The following PEX14 variants were observed in gnomAD, a reference collection of about 807,000 sequenced individuals.
The protein encoded by PEX14 is peroxisomal membrane protein PEX14.
PEX14 carries 15 observed loss-of-function variants against 49.5 expected under a neutral mutation model. The observed-to-expected ratio is 0.30, with a 90% CI of 0.20 to 0.47. The LOEUF is 0.47. Among genes scored for constraint, PEX14 ranks in the 20% least tolerant of loss-of-function variants. The probability of loss-of-function intolerance (pLI) is 1.00; values close to 1 mark genes in which losing one functional copy is unlikely to be tolerated. For missense variants in PEX14, 398 were observed against 494.8 expected (o/e 0.80, Z 1.86); for synonymous variants, 210 against 212.7 (o/e 0.99, Z 0.11).
At chr1:10,486,102 A>G (rs932260267) in intron 1 of PEX14, among the ~76,000 whole-genome samples, 3 of 151,996 alleles carry the variant, frequency 2.0e-5, no homozygotes, top group African/African-American at 7.2e-5. Flanking sequence ...TCTATAGATG[A>G]TGGTATCATC....
At chr1:10,627,437 G>A in intron 8 of PEX14, 74 bp downstream of exon 8, 1 of 1,068,524 alleles carries the variant, frequency 9.4e-7, no homozygotes, top group African/African-American at 1.5e-5. Context: ...GGCATGGGAG[G>A]GGCATGACGC....
intron 1 of PEX14, among the ~76,000 whole-genome samples, chr1:10,485,526 G>T (rs781345297): frequency 6.6e-6 from 1 of 150,882 alleles, no homozygotes; most frequent in Non-Finnish European, 1.5e-5. Flanking sequence ...GCTGTGTTGC[G>T]CAGGCTGGTC....
intron 3 of PEX14, among the ~76,000 whole-genome samples, chr1:10,568,841 G>GT (rs915157987): frequency 1.4e-4 from 21 of 152,162 alleles, no homozygotes; most frequent in Admixed American, 6.5e-5. Flanking sequence ...CTGGGTTCAA[G>GT]TGATTCTCAT....
intron 3 of PEX14, among the ~76,000 whole-genome samples, chr1:10,586,628 CTT>C (rs35743829): frequency 2.1e-5 from 2 of 93,050 alleles, no homozygotes; most frequent in African/African-American, 7.1e-5. Flanking sequence ...AGCCGTTTAC[CTT>C]TTTTTTTTTT....
At chr1:10,542,725 C>T in intron 3 of PEX14, among the ~76,000 whole-genome samples, 1 of 147,366 alleles carries the variant, frequency 6.8e-6, no homozygotes, top group Non-Finnish European at 1.5e-5. Context: ...CGTGTCACCG[C>T]ACTCCAGCCT....
chr1:10,547,773 A>G (rs1393924618), intron 3 of PEX14, among the ~76,000 whole-genome samples: 1 of 152,214 alleles, frequency 6.6e-6, no homozygotes, highest in African/African-American at 2.4e-5. Flanking sequence ...TATATGTGAC[A>G]GAAGGATACT....
chr1:10,555,759 A>G (rs1293288795), intron 3 of PEX14, among the ~76,000 whole-genome samples: 1 of 152,074 alleles, frequency 6.6e-6, no homozygotes, highest in Non-Finnish European at 1.5e-5. Context: ...TGCTGTCAAG[A>G]AGCACACAAG....
At chr1:10,480,869 A>ATTT (rs1316827044) in intron 1 of PEX14, among the ~76,000 whole-genome samples, 3 of 139,008 alleles carry the variant, frequency 2.2e-5, no homozygotes, top group Admixed American at 1.4e-4. Flanking sequence ...CTATATATAT[A>ATTT]TTTTTTTTTT....
In PEX14 at chr1:10,623,267, C is replaced by A. The variant is rs1358874775; in HGVS notation, c.487+146C>A. ...AATCTGTTCACATTTGCAAATGAAG[C>A]CGCCGTCATTTCGGTTTAATTTGAA... On this transcript the variant is annotated intron_variant, in intron 6 of 8. Transcript: ENST00000356607. This position sits in a 1 kb window ranked among gnomAD's most constrained non-coding sequence, Gnocchi z 4.4. 3.0e-6 allele frequency: 2 copies of A among 673,460 alleles called. No individual in the cohort carries two copies. The highest frequency in any genetic ancestry group is 5.5e-6 in the Non-Finnish European group (2 of 364,196). The allele number at this position is 673,460 out of a possible 1,614,324, so 41.7% of individuals were successfully genotyped here. A position where few individuals can be genotyped will look rare whatever the true frequency, so the allele number is the denominator to read the frequency against.
intron 3 of PEX14, among the ~76,000 whole-genome samples, chr1:10,577,562 ATTTTTTTTTTTTTTTTTTTTTT>A (rs1164876121): frequency 6.4e-4 from 4 of 6,228 alleles, no homozygotes; most frequent in African/African-American, 1.4e-3. Flanking sequence ...ATATATATAT[ATTTTTTTTTTTTTTTTTTTTTT>A]TTTTTTTTTT....
chr1:10,598,280 C>A (rs1298192748), intron 3 of PEX14, among the ~76,000 whole-genome samples: 1 of 152,202 alleles, frequency 6.6e-6, no homozygotes, highest in South Asian at 2.1e-4. Context: ...CCTGAGCTGG[C>A]CCCGTGTGAC....
Position 10,597,482 on chromosome 1 carries a change from C to T in PEX14, c.170-1756C>T, listed in dbSNP as rs1451760249. On this transcript the variant is annotated intron_variant, in intron 3 of 8. Transcript: ENST00000356607. The surrounding 1 kb of genome is among the most constrained non-coding windows in gnomAD (Gnocchi z 5.7). ...GTTGTTGCCTGGCTTGCCTGTTGGT[C>T]CTGTCCCTGTTCTTCTTGGAAGGTG... Among the ~76,000 whole-genome samples, 1 of 152,162 alleles carries T rather than the reference C, an allele frequency of 6.6e-6. No individual in the cohort carries two copies. Among genetic ancestry groups the T allele is most frequent in the Non-Finnish European group, 1.5e-5 (1 of 68,024 alleles).
rs1641934619 is a variant in PEX14, at chr1:10,514,203, GTGT to G, written c.84+18884_84+18886del. Among the ~76,000 whole-genome samples the G allele has an allele frequency of 1.6e-5, 2 of 127,990 alleles. No individual in the cohort carries two copies. Among genetic ancestry groups the G allele is most frequent in the African/African-American group, 5.3e-5 (2 of 37,926 alleles). 84.0% of individuals were successfully genotyped at this position (127,990 alleles called of 152,430 possible). On this transcript the variant is annotated intron_variant, in intron 2 of 8. Transcript: ENST00000356607. The surrounding 1 kb of genome is among the most constrained non-coding windows in gnomAD (Gnocchi z 4.4). ...GTGTGTGTGTGTGTGTGTGTGTATGGTGTTAGAAACGGCAGAGTCACCTTCTAA... is the reference window on the plus strand; with the variant it reads ...GTGTGTGTGTGTGTGTGTGTGTATGGTAGAAACGGCAGAGTCACCTTCTAA...
intron 3 of PEX14, among the ~76,000 whole-genome samples, chr1:10,579,673 C>CTTT (rs1011036998): frequency 2.0e-5 from 3 of 152,076 alleles, no homozygotes; most frequent in African/African-American, 7.2e-5. Flanking sequence ...ATGCTTCCCC[C>CTTT]TTTTAGACTA....
At chr1:10,549,403 C>T (rs2480772) in intron 3 of PEX14, among the ~76,000 whole-genome samples, 110,740 of 152,084 alleles carry the variant, frequency 0.73, 41,421 homozygotes, top group Non-Finnish European at 0.82. Flanking sequence ...GAACACAGGT[C>T]GAATTTGAAG....
intron 1 of PEX14, among the ~76,000 whole-genome samples, chr1:10,482,775 AG>A (rs1413152764): frequency 6.6e-6 from 1 of 152,166 alleles, no homozygotes; most frequent in Non-Finnish European, 1.5e-5. Context: ...TTTCACCTTT[AG>A]GGTCATTACA....
chr1:10,493,089 G>A (rs1347293595), intron 1 of PEX14, among the ~76,000 whole-genome samples: 1 of 152,208 alleles, frequency 6.6e-6, no homozygotes, highest in Non-Finnish European at 1.5e-5. Flanking sequence ...CAGTGCGTCT[G>A]TCAGGGGGCA....
Position 10,629,983 on chromosome 1 carries a change from A to G in PEX14, c.1130A>G (p.Asp377Gly). 1 of 1,608,782 alleles carries G rather than the reference A, an allele frequency of 6.2e-7. No homozygotes were observed. Among genetic ancestry groups the G allele is most frequent in the Non-Finnish European group, 8.5e-7 (1 of 1,179,392 alleles). Reference sequence around the variant, plus strand: ...GGCGCCAGCAACGAGAGTGAGCGGGACTAGGGCTGCGCCTGCTGCCTCCAG... The same window carrying G: ...GGCGCCAGCAACGAGAGTGAGCGGGGCTAGGGCTGCGCCTGCTGCCTCCAG... ...PEGASNESER[D>G] Residue 377 changes from aspartate (D) to glycine (G), a missense_variant, in exon 9 of 9, where the codon GAC becomes GGC. By Grantham distance (94) the Asp-to-Gly change is moderately conservative. Coordinates refer to ENST00000356607, the MANE Select transcript of PEX14 (RefSeq NM_004565.3). The surrounding 1 kb of genome is among the most constrained non-coding windows in gnomAD (Gnocchi z 8.5).
At chr1:10,579,836 C>T (rs1360868608) in intron 3 of PEX14, among the ~76,000 whole-genome samples, 3 of 152,048 alleles carry the variant, frequency 2.0e-5, no homozygotes, top group African/African-American at 7.2e-5. Context: ...GTCTTATCAG[C>T]AAGGTCTTTA....
Sources: allele counts gnomAD v4.1 joint callset (sites outside exome capture counted in the v4.1 genomes callset), GRCh38; gene constraint gnomAD v4.1.1; non-coding constraint Gnocchi (gnomAD v3.1); transcripts MANE v1.5; gene names NCBI Gene and HGNC (gene_info 2026-07-23, HGNC 2026-07-21).